TNIK: variants seen among roughly 807,000 people sequenced by gnomAD.
TNIK encodes TRAF2 and NCK interacting kinase.
A neutral mutation model predicts 191.3 loss-of-function variants in TNIK; 49 were observed. The observed-to-expected ratio is 0.26, with a 90% CI of 0.20 to 0.32. The LOEUF (loss-of-function observed/expected upper bound fraction) is 0.32. Ranked by LOEUF, TNIK falls within the 10% of genes least tolerant of loss-of-function variation. The probability of loss-of-function intolerance (pLI) is 1.00; values close to 1 mark genes in which losing one functional copy is unlikely to be tolerated. For missense variants in TNIK, 1,155 were observed against 1,702.3 expected (o/e 0.68, Z 5.66); for synonymous variants, 594 against 600.9 (o/e 0.99, Z 0.17).
At chr3:171,070,059 C>T (rs1312367710) in intron 29 of TNIK, among the ~76,000 whole-genome samples, 1 of 152,198 alleles carries the variant, frequency 6.6e-6, no homozygotes, top group Non-Finnish European at 1.5e-5. Flanking sequence ...AACTTCAGAG[C>T]AAGAATGGGA....
chr3:171,280,545 G>A (rs1450042676), intron 2 of TNIK, among the ~76,000 whole-genome samples: 1 of 151,794 alleles, frequency 6.6e-6, no homozygotes, highest in Admixed American at 6.6e-5. Flanking sequence ...GTCAATAAAA[G>A]TTATTGTTAT....
intron 32 of TNIK, 50 bp downstream of exon 32, chr3:171,066,137 G>T: frequency 6.2e-7 from 1 of 1,602,234 alleles, no homozygotes; most frequent in Non-Finnish European, 8.5e-7. Context: ...ACAGGTACCT[G>T]GTGGTCTCTT....
At chr3:171,281,049 T>C (rs1485276586) in intron 2 of TNIK, among the ~76,000 whole-genome samples, 1 of 152,160 alleles carries the variant, frequency 6.6e-6, no homozygotes, top group African/African-American at 2.4e-5. Context: ...AATCATGTCT[T>C]TATGGAATGG....
At chr3:171,268,334 C>T (rs1748648282) in intron 2 of TNIK, among the ~76,000 whole-genome samples, 1 of 152,016 alleles carries the variant, frequency 6.6e-6, no homozygotes, top group African/African-American at 2.4e-5. Flanking sequence ...CCCATCATCC[C>T]CCACGTAATA....
At chr3:171,094,660 G>C (rs1722490943) in intron 22 of TNIK, among the ~76,000 whole-genome samples, 1 of 152,096 alleles carries the variant, frequency 6.6e-6, no homozygotes, top group Non-Finnish European at 1.5e-5. Context: ...TTTTACACAT[G>C]CTGTTCCCTC....
At position 171,434,847 on chromosome 3, in the gene TNIK, A is replaced by G. The variant is rs1287906467; in HGVS notation, c.57+25160T>C. On this transcript the variant is annotated intron_variant, in intron 1 of 32. Coordinates refer to ENST00000436636, the MANE Select transcript of TNIK (RefSeq NM_015028.4). ...ATTACATTATATATTATTATTGGTT[A>G]TTATCTGATTCCTGACACCTTGATA... Among the ~76,000 whole-genome samples the G allele has an allele frequency of 2.0e-5, 3 of 152,162 alleles. No homozygotes were observed. The East Asian group carries it at 5.8e-4, about 29-fold the overall frequency.
intron 1 of TNIK, among the ~76,000 whole-genome samples, chr3:171,445,490 C>G (rs1727387336): frequency 6.6e-6 from 1 of 151,746 alleles, no homozygotes; most frequent in African/African-American, 2.4e-5. Flanking sequence ...TCCAAGGATC[C>G]CACTTTGAGA....
In TNIK at chr3:171,383,438, A is replaced by G. The variant is rs575258453; in HGVS notation, c.58-13753T>C. On this transcript the variant is annotated intron_variant, in intron 1 of 32. Coordinates refer to ENST00000436636, the MANE Select transcript of TNIK (RefSeq NM_015028.4). ...TGGGCAACGTTCTCTGACTGCTGGC[A>G]TGAACAGTTATAATCTCAGCATCAC... Among the ~76,000 whole-genome samples, 68 of 152,346 alleles carry G rather than the reference A, an allele frequency of 4.5e-4. 1 individual carries two copies. The highest frequency in any genetic ancestry group is 1.5e-3 in the African/African-American group (63 of 41,580).
At chr3:171,239,695 A>T (rs187240956) in intron 2 of TNIK, among the ~76,000 whole-genome samples, 1 of 152,376 alleles carries the variant, frequency 6.6e-6, no homozygotes, top group African/African-American at 2.4e-5. Context: ...TGCATATTAC[A>T]AAAAGGACAT....
intron 3 of TNIK, among the ~76,000 whole-genome samples, chr3:171,227,040 G>A (rs1743047850): frequency 6.6e-6 from 1 of 152,074 alleles, no homozygotes; most frequent in South Asian, 2.1e-4. Flanking sequence ...GGGCTGAATG[G>A]AAGACTTTGG....
chr3:171,448,077 AG>A lies in TNIK; in HGVS notation c.57+11929del, dbSNP rs575968250. On this transcript the variant is annotated intron_variant, in intron 1 of 32. Coordinates refer to ENST00000436636, the MANE Select transcript of TNIK (RefSeq NM_015028.4). ...AAATAATATGGGGGAGAAGGTGGGT[AG>A]GAGTACAGATGAAACAGGATTCATT... Among the ~76,000 whole-genome samples, 140 of 152,336 alleles carry A rather than the reference AG, an allele frequency of 9.2e-4. 1 individual carries two copies. The highest frequency in any genetic ancestry group is 3.1e-3 in the East Asian group (16 of 5,192).
chr3:171,329,561 A>G (rs1756186259), intron 2 of TNIK, among the ~76,000 whole-genome samples: 1 of 152,240 alleles, frequency 6.6e-6, no homozygotes, highest in African/African-American at 2.4e-5. Flanking sequence ...AAAATGATAC[A>G]TGAAAAAATT....
rs1009213809 is a variant in TNIK at position 171,160,560 on chromosome 3, C to T, written c.1016+710G>A. On this transcript the variant is annotated intron_variant, in intron 11 of 32. Coordinates refer to ENST00000436636, the MANE Select transcript of TNIK (RefSeq NM_015028.4). Reference sequence around the variant, plus strand: ...GCACCATGGGATGTGGGCCTGCCCTCCTTGACTCAACAAGCTGAATTCGCT... The same window carrying T: ...GCACCATGGGATGTGGGCCTGCCCTTCTTGACTCAACAAGCTGAATTCGCT... 2.6e-5 allele frequency among the ~76,000 whole-genome samples: 4 copies of T among 151,812 alleles called. No individual in the cohort carries two copies. In the South Asian group the frequency reaches 8.3e-4, roughly 32 times the overall value.
chr3:171,445,351 C>T lies in TNIK; in HGVS notation c.57+14656G>A, dbSNP rs1362015338. On this transcript the variant is annotated intron_variant, in intron 1 of 32. Coordinates refer to ENST00000436636, the MANE Select transcript of TNIK (RefSeq NM_015028.4). ...AGAGAATCACCTGAGAACCGGAGGT[C>T]GAAGCTGCAGTGAGCTGAGATCGCA... Among the ~76,000 whole-genome samples, 4 of 150,692 alleles carry T rather than the reference C, an allele frequency of 2.7e-5. No individual in the cohort carries two copies. In the East Asian group the frequency reaches 7.8e-4, roughly 29 times the overall value.
At chr3:171,303,141 C>T (rs564015278) in intron 2 of TNIK, among the ~76,000 whole-genome samples, 4 of 152,218 alleles carry the variant, frequency 2.6e-5, no homozygotes, top group South Asian at 2.1e-4. Flanking sequence ...TAATATTCCT[C>T]CTAAACTTAA....
intron 18 of TNIK, 139 bp downstream of exon 18, chr3:171,123,457 G>A (rs544315118): frequency 1.8e-6 from 1 of 557,088 alleles, no homozygotes; most frequent in South Asian, 3.4e-5. Context: ...ATGTGTTCTG[G>A]ACCATCAACG....
intron 16 of TNIK, among the ~76,000 whole-genome samples, 172 bp downstream of exon 16, chr3:171,128,542 T>C (rs1291269886): frequency 6.6e-6 from 1 of 152,194 alleles, no homozygotes. Context: ...CTTTCTCACC[T>C]GTTCTTCTAC....
chr3:171,212,899 T>G (rs938676217), intron 3 of TNIK, among the ~76,000 whole-genome samples: 1 of 96,636 alleles, frequency 1.0e-5, no homozygotes, highest in Non-Finnish European at 2.0e-5. Context: ...CAAAGGGGAT[T>G]TGCAAACCTA....
At chr3:171,136,286 C>T (rs1729965446) in intron 15 of TNIK, among the ~76,000 whole-genome samples, 1 of 152,204 alleles carries the variant, frequency 6.6e-6, no homozygotes, top group Non-Finnish European at 1.5e-5. Flanking sequence ...AAAGTAGAAG[C>T]ACTTGTAAAG....
Sources: gnomAD v4.1 joint callset for allele counts (sites outside exome capture counted in the v4.1 genomes callset) on GRCh38, gnomAD v4.1.1 for gene constraint, MANE v1.5 for transcripts, NCBI Gene and HGNC (gene_info 2026-07-23, HGNC 2026-07-21) for gene names.